Variants in CLCN6 observed in about 807,000 individuals in gnomAD.
CLCN6 encodes Cl-/H+ antiporter 6.
A neutral mutation model predicts 109.8 loss-of-function variants in CLCN6; 70 were observed. The ratio of observed to expected loss-of-function variants is 0.64; its 90% confidence interval spans 0.53 to 0.78. The LOEUF (loss-of-function observed/expected upper bound fraction) is 0.78. CLCN6 is among the 30% of genes least tolerant of loss of function. CLCN6 has a pLI of 0.00. For synonymous variants in CLCN6, 444 were observed against 447.8 expected, an observed-to-expected ratio of 0.99 and a Z score of 0.11; for missense variants, 984 against 1,142.3, an observed-to-expected ratio of 0.86 and a Z score of 2.00.
Position 11,837,145 on chromosome 1 carries a change from G to T in CLCN6, c.2127G>T (p.Met709Ile). The T allele has an allele frequency of 6.2e-7, 1 of 1,612,532 alleles. No individual in the cohort carries two copies. ...PAEKEDLLQQ[M>I]LERRYTPYPN... ...AGAAGGAGGACCTCCTGCAGCAGAT[G>T]CTGGAAAGGAGGTGAGAGCCTGGCG... is the stretch of plus-strand genomic sequence containing the variant. Residue 709 changes from methionine to isoleucine, a missense_variant, in exon 19 of 23, where the codon ATG becomes ATT. Coordinates refer to ENST00000346436, the MANE Select transcript of CLCN6 (RefSeq NM_001286.5).
intron 10 of CLCN6, among the ~76,000 whole-genome samples, chr1:11,827,430 CTTTTTTTT>C (rs59015951): frequency 9.5e-6 from 1 of 105,020 alleles, no homozygotes; most frequent in Non-Finnish European, 1.9e-5. Context: ...ACCGCTGTTA[CTTTTTTTT>C]TTTTTTTTTT....
chr1:11,832,568 C>T (rs933515445), intron 13 of CLCN6, among the ~76,000 whole-genome samples: 20 of 152,244 alleles, frequency 1.3e-4, no homozygotes, highest in African/African-American at 4.6e-4. Context: ...GCACAGCAGC[C>T]TGCATACGTC....
rs758118515 is a variant in CLCN6 at position 11,829,211 on chromosome 1, C to G, written c.1137C>G (p.Leu379=). The change falls in exon 13 of 23, where the codon CTC becomes CTG. Residue 379 remains leucine (L), a synonymous_variant. Coordinates refer to ENST00000346436, the MANE Select transcript of CLCN6 (RefSeq NM_001286.5). ...TGCCTCCTAGAGTCTTAGAGAGCCTCCTTGTGTCTCTGGTAACCACCGTGG... is the reference window on the plus strand; with the variant it reads ...TGCCTCCTAGAGTCTTAGAGAGCCTGCTTGTGTCTCTGGTAACCACCGTGG... ...KPKLVRVLES[L]LVSLVTTVVV... 6.2e-7 allele frequency: 1 copy of G among 1,614,060 alleles called. No homozygotes were observed. Among genetic ancestry groups the G allele is most frequent in the Non-Finnish European group, 8.5e-7 (1 of 1,179,998 alleles).
At position 11,828,159 on chromosome 1, in the gene CLCN6, T is replaced by C. The variant is rs1644836114; in HGVS notation, c.894T>C (p.Ile298=). The C allele has an allele frequency of 6.2e-7, 1 of 1,614,140 alleles. No homozygotes were observed. Among genetic ancestry groups the C allele is most frequent in the African/African-American group, 1.3e-5 (1 of 74,938 alleles). The change falls in exon 11 of 23, where the codon ATT becomes ATC. Residue 298 remains isoleucine, a synonymous_variant. Coordinates refer to ENST00000346436, the MANE Select transcript of CLCN6 (RefSeq NM_001286.5). ...CCCTCAACTTCTTCCGTTCTGGGAT[T>C]CAGTTTGGAAGCTGGGGTTCCTTCC... ...TFTLNFFRSG[I]QFGSWGSFQL...
chr1:11,807,249 G>A, intron 2 of CLCN6, 59 bp downstream of exon 2: 1 of 1,468,502 alleles, frequency 6.8e-7, no homozygotes, highest in South Asian at 1.1e-5. Context: ...GTCACTTCAG[G>A]CCGAAGCATT....
At chr1:11,819,397 G>A (rs1644712916) in intron 4 of CLCN6, 91 bp from the exon 5 acceptor site, 39 of 1,136,744 alleles carry the variant, frequency 3.4e-5, no homozygotes, top group Non-Finnish European at 4.8e-5. Context: ...GTGCAGTGGG[G>A]GAGGAGATGC....
chr1:11,840,436 G>C lies in CLCN6; in HGVS notation c.*213G>C. The C allele has an allele frequency of 1.7e-6, 1 of 603,166 alleles. No individual in the cohort carries two copies. Among genetic ancestry groups the C allele is most frequent in the South Asian group, 1.9e-5 (1 of 53,570 alleles). 37.4% of individuals were successfully genotyped at this position (603,166 alleles called of 1,614,324 possible). A position where few individuals can be genotyped will look rare whatever the true frequency, so the allele number is the denominator to read the frequency against. On this transcript the variant is annotated 3_prime_UTR_variant, in exon 23 of 23. Coordinates refer to ENST00000346436, the MANE Select transcript of CLCN6 (RefSeq NM_001286.5). ...GGACTTTTCTGACTTCCCCAGCAAG[G>C]ATCTTCCCACTTCCTGCTCCCTGTG...
Position 11,827,083 on chromosome 1 carries a change from C to T in CLCN6, c.708-6C>T. ...ATTGGATAACCCGTCTCTCTCCTCT[C>T]CTCAGAGACAAGAGAGACTTTGTAT... On this transcript the variant is annotated splice_polypyrimidine_tract_variant and splice_region_variant and intron_variant, in intron 9 of 22. Transcript: ENST00000346436. The T allele has an allele frequency of 1.9e-6, 3 of 1,613,678 alleles. No homozygotes were observed. The highest frequency in any genetic ancestry group is 2.5e-6 in the Non-Finnish European group (3 of 1,179,834).
rs545185506 is a variant in CLCN6, at chr1:11,823,660, G to A, written c.454-47G>A. On this transcript the variant is annotated intron_variant, in intron 6 of 22. Coordinates refer to ENST00000346436, the MANE Select transcript of CLCN6 (RefSeq NM_001286.5). ...CCCAGATTGTTGAGGGTAAGCCAGA[G>A]AACCAATGGATTTCGAGTTATGGGT... The A allele has an allele frequency of 1.3e-4, 205 of 1,613,518 alleles. 4 individuals carry two copies. The South Asian group carries it at 2.1e-3, about 16-fold the overall frequency.
chr1:11,822,554 T>G, intron 5 of CLCN6, 141 bp from the exon 6 acceptor site: 1 of 551,692 alleles, frequency 1.8e-6, no homozygotes, highest in South Asian at 2.5e-5. Flanking sequence ...TCTCAGGCAG[T>G]TTTTAAAAAA....
rs370379218 is a variant in CLCN6, at chr1:11,816,036, G to A, written c.213+125G>A. On this transcript the variant is annotated intron_variant, in intron 3 of 22. Transcript: ENST00000346436. ...TTTTGAACCTTTTCATGCGATACAG[G>A]CAGACCTCACTTTATGCGCTTTGCT... 59 of 725,066 alleles carry A rather than the reference G, an allele frequency of 8.1e-5. 4 individuals carry two copies. Among genetic ancestry groups the A allele is most frequent in the Admixed American group, 2.1e-4 (9 of 42,042 alleles). The allele number at this position is 725,066 out of a possible 1,614,324, so 44.9% of individuals were successfully genotyped here.
chr1:11,816,621 C>T lies in CLCN6; in HGVS notation c.220C>T (p.Arg74Ter). The T allele has an allele frequency of 2.5e-6, 4 of 1,612,524 alleles. No individual in the cohort carries two copies. The highest frequency in any genetic ancestry group is 1.1e-5 in the South Asian group (1 of 90,732). Residue 74 changes from arginine (R) to a stop codon, truncating the protein, a stop_gained, in exon 4 of 23, where the codon CGA becomes TGA. Coordinates refer to ENST00000346436, the MANE Select transcript of CLCN6 (RefSeq NM_001286.5). LOFTEE classifies it high-confidence loss of function. ...VLETMDNKKG[R>*]RYEAVKWMVV... ...TCTTTTCCTGTGTGAACAGAAAGGT[C>T]GAAGATATGAGGCGGTGAAGTGGAT...
chr1:11,819,321 A>T (rs1269421148), intron 4 of CLCN6, among the ~76,000 whole-genome samples, 167 bp from the exon 5 acceptor site: 1 of 152,030 alleles, frequency 6.6e-6, no homozygotes, highest in Non-Finnish European at 1.5e-5. Flanking sequence ...TGGAGAAGGG[A>T]TCTCCTCCTT....
At position 11,834,609 on chromosome 1, in the gene CLCN6, T is replaced by C. The variant is rs752913434; in HGVS notation, c.1793+19T>C. On this transcript the variant is annotated intron_variant, in intron 17 of 22. Coordinates refer to ENST00000346436, the MANE Select transcript of CLCN6 (RefSeq NM_001286.5). The surrounding 1 kb of genome is among the most constrained non-coding windows in gnomAD (Gnocchi z 4.5). ...TGGACAAGTAAGGCCATGATTTTGC[T>C]CATGTCCTAGTTTCAGAATGTATAA... 5 of 1,601,576 alleles carry C rather than the reference T, an allele frequency of 3.1e-6. No homozygotes were observed. The highest frequency in any genetic ancestry group is 4.3e-6 in the Non-Finnish European group (5 of 1,168,968).
chr1:11,829,330 C>T lies in CLCN6; in HGVS notation c.1248+8C>T. ...GACTCATTCCAGCTCCAGGTAACCC[C>T]AGTGCACCTGCTACCTTTATCCCAT... On this transcript the variant is annotated splice_region_variant and intron_variant, in intron 13 of 22. Coordinates refer to ENST00000346436, the MANE Select transcript of CLCN6 (RefSeq NM_001286.5). 2 of 1,614,010 alleles carry T rather than the reference C, an allele frequency of 1.2e-6. No individual in the cohort carries two copies. Among genetic ancestry groups the T allele is most frequent in the Non-Finnish European group, 1.7e-6 (2 of 1,179,924 alleles).
At chr1:11,828,423 G>A (rs747521070) in intron 11 of CLCN6, 35 bp from the exon 12 acceptor site, 1 of 1,612,428 alleles carries the variant, frequency 6.2e-7, no homozygotes, top group South Asian at 1.1e-5. Context: ...GGCTGCTATG[G>A]TTTTTCTCTC....
At chr1:11,821,504 C>T (rs755271381) in intron 5 of CLCN6, among the ~76,000 whole-genome samples, 3 of 152,088 alleles carry the variant, frequency 2.0e-5, no homozygotes, top group Non-Finnish European at 2.9e-5. Context: ...TGCAGTGAGC[C>T]GAGATTGCAA....
At chr1:11,837,237 G>C (rs1644962179) in intron 19 of CLCN6, 81 bp downstream of exon 19, 1 of 1,587,674 alleles carries the variant, frequency 6.3e-7, no homozygotes, top group African/African-American at 1.3e-5. Flanking sequence ...TTGTGAGGTG[G>C]CTCCTGAGTT....
At chr1:11,817,989 C>T (rs1000710717) in intron 4 of CLCN6, among the ~76,000 whole-genome samples, 1 of 151,884 alleles carries the variant, frequency 6.6e-6, no homozygotes, top group Non-Finnish European at 1.5e-5. Flanking sequence ...GGGCCAGGGA[C>T]GGTGGCTCAC....
Sources: allele counts gnomAD v4.1 joint callset (sites outside exome capture counted in the v4.1 genomes callset), GRCh38; gene constraint gnomAD v4.1.1; non-coding constraint Gnocchi (gnomAD v3.1); transcripts MANE v1.5; gene names NCBI Gene and HGNC (gene_info 2026-07-23, HGNC 2026-07-21).